EIF2AK4: variants seen among roughly 807,000 people sequenced by gnomAD.
The protein encoded by EIF2AK4 is eukaryotic translation initiation factor 2 alpha kinase 4.
A neutral mutation model predicts 211.1 loss-of-function variants in EIF2AK4; 139 were observed. The ratio of observed to expected loss-of-function variants is 0.66; its 90% confidence interval spans 0.57 to 0.76. The LOEUF is 0.76. EIF2AK4 is among the 30% of genes least tolerant of loss of function. EIF2AK4 has a pLI of 0.00. For synonymous variants in EIF2AK4, 710 were observed against 751.3 expected (o/e 0.94, Z 0.90); for missense variants, 1,664 against 2,043.8 (o/e 0.81, Z 3.58).
At chr15:39,994,803 A>C (rs186456526) in intron 18 of EIF2AK4, among the ~76,000 whole-genome samples, 139 of 152,112 alleles carry the variant, frequency 9.1e-4, no homozygotes, top group Non-Finnish European at 1.4e-3. Context: ...TGGACTGCAC[A>C]CACTGTGAGT....
intron 15 of EIF2AK4, among the ~76,000 whole-genome samples, chr15:39,989,880 T>C (rs1289503873): frequency 6.6e-6 from 1 of 151,644 alleles, no homozygotes; most frequent in African/African-American, 2.4e-5. Context: ...TGCAAATGCA[T>C]GGAAAAAAGC....
At chr15:40,022,215 T>TGTGTGTGTGTGA (rs1491148674) in intron 31 of EIF2AK4, 1 of 217,868 alleles carries the variant, frequency 4.6e-6, no homozygotes, top group Non-Finnish European at 8.6e-6. Context: ...TGTGTGTGTG[T>TGTGTGTGTGTGA]ATGTTGTGTT....
chr15:40,022,545 C>T lies in EIF2AK4; in HGVS notation c.4329C>T (p.Cys1443=). 6.2e-7 allele frequency: 1 copy of T among 1,614,142 alleles called. No individual in the cohort carries two copies. The highest frequency in any genetic ancestry group is 8.5e-7 in the Non-Finnish European group (1 of 1,180,004). ...SQSQEELQEY[C]RHHEITYVAL... ...CCCAAGAGGAATTACAAGAGTACTG[C>T]AGACATCATGAAATCACCTATGTGG... The change falls in exon 32 of 39, where the codon TGC becomes TGT. Residue 1443 remains cysteine, a synonymous_variant. Coordinates refer to ENST00000263791, the MANE Select transcript of EIF2AK4 (RefSeq NM_001013703.4).
intron 21 of EIF2AK4, 55 bp from the exon 22 acceptor site, chr15:40,002,658 A>T: frequency 6.3e-7 from 1 of 1,580,356 alleles, no homozygotes; most frequent in Non-Finnish European, 8.7e-7. Flanking sequence ...TTAATATTTT[A>T]AAGGATCCCT....
chr15:39,978,009 A>T, intron 12 of EIF2AK4, 69 bp from the exon 13 acceptor site: 1 of 1,142,056 alleles, frequency 8.8e-7, no homozygotes, highest in East Asian at 2.4e-5. Context: ...TCTAGTATTT[A>T]AAAATGTCCA....
At chr15:39,972,366 C>T (rs933071989) in intron 9 of EIF2AK4, among the ~76,000 whole-genome samples, 1 of 145,956 alleles carries the variant, frequency 6.9e-6, no homozygotes, top group African/African-American at 2.5e-5. Context: ...AAAAAAAAAG[C>T]ATAAACCAAT....
intron 2 of EIF2AK4, 53 bp downstream of exon 2, chr15:39,939,670 A>G (rs1286282153): frequency 1.4e-6 from 2 of 1,396,898 alleles, no homozygotes; most frequent in Non-Finnish European, 2.0e-6. Context: ...TGTTTTGACA[A>G]CATAGAAACA....
chr15:39,963,876 A>G (rs2034506560), intron 7 of EIF2AK4, among the ~76,000 whole-genome samples: 1 of 152,234 alleles, frequency 6.6e-6, no homozygotes, highest in Non-Finnish European at 1.5e-5. Flanking sequence ...CCTAGTCCCA[A>G]TTAGGGAAAC....
At chr15:39,998,280 T>G (rs11852600) in intron 19 of EIF2AK4, among the ~76,000 whole-genome samples, 36,368 of 147,860 alleles carry the variant, frequency 0.25, 5,780 homozygotes, top group Middle Eastern at 0.35. Context: ...GTTTTGTTTT[T>G]TTTTGCCTTT....
intron 1 of EIF2AK4, among the ~76,000 whole-genome samples, chr15:39,936,189 T>C (rs558545557): frequency 1.6e-4 from 25 of 152,304 alleles, no homozygotes; most frequent in African/African-American, 5.5e-4. Context: ...CATAACAAGA[T>C]GGAATACTAG....
chr15:39,957,797 T>C (rs2034411953), intron 6 of EIF2AK4, among the ~76,000 whole-genome samples: 1 of 152,200 alleles, frequency 6.6e-6, no homozygotes, highest in Admixed American at 6.5e-5. Flanking sequence ...CTGGTGTTTG[T>C]AGGGTCTACA....
intron 33 of EIF2AK4, among the ~76,000 whole-genome samples, chr15:40,026,378 G>T (rs2035465909): frequency 1.3e-5 from 2 of 152,168 alleles, no homozygotes; most frequent in Non-Finnish European, 2.9e-5. Context: ...GATTGCTTGA[G>T]CCCAGGAGGT....
chr15:39,989,337 T>C (rs16970130), intron 15 of EIF2AK4, among the ~76,000 whole-genome samples: 27,403 of 152,252 alleles, frequency 0.18, 2,704 homozygotes, highest in South Asian at 0.37. Context: ...AAAATGTTTG[T>C]ACTGTACCGT....
chr15:39,962,745 G>C (rs503671), intron 7 of EIF2AK4, among the ~76,000 whole-genome samples: 1 of 152,168 alleles, frequency 6.6e-6, no homozygotes, highest in African/African-American at 2.4e-5. Context: ...TTGTCTACTC[G>C]TGGCTGTTTG....
At chr15:39,940,671 G>C (rs7174465) in intron 2 of EIF2AK4, among the ~76,000 whole-genome samples, 150,971 of 152,266 alleles carry the variant, frequency 0.99, 74,859 homozygotes, top group East Asian at 1. Flanking sequence ...GAAATTAAAA[G>C]AGTGCCTCTC....
rs376826966 is a variant in EIF2AK4 at position 40,032,723 on chromosome 15, C to T, written c.4729-34C>T. ...ATGGTCACAAGGCAGTATTGTGCTG[C>T]TGAGAGTTGATGTACATTTGTGTGT... On this transcript the variant is annotated intron_variant, in intron 36 of 38. Transcript: ENST00000263791. 12 of 1,603,940 alleles carry T rather than the reference C, an allele frequency of 7.5e-6. No individual in the cohort carries two copies. In the African/African-American group the frequency reaches 8.0e-5, roughly 11 times the overall value.
chr15:39,991,709 G>A lies in EIF2AK4; in HGVS notation c.2632-466G>A, dbSNP rs185162191. 1.7e-3 allele frequency: 271 copies of A among 159,888 alleles called. 2 individuals are homozygous for A. The highest frequency in any genetic ancestry group is 0.015 in the Admixed American group (260 of 16,906). 9.9% of individuals were successfully genotyped at this position (159,888 alleles called of 1,614,324 possible). On this transcript the variant is annotated intron_variant, in intron 16 of 38. Transcript: ENST00000263791. Reference sequence around the variant, plus strand: ...ACACTGTTGCACATAGTGGAGCAAGGTGAGGCTACCTGGGGGGCATTAGCC... The same window carrying A: ...ACACTGTTGCACATAGTGGAGCAAGATGAGGCTACCTGGGGGGCATTAGCC...
chr15:40,028,520 C>A (rs1334379500), intron 33 of EIF2AK4, among the ~76,000 whole-genome samples: 3 of 152,020 alleles, frequency 2.0e-5, no homozygotes, highest in African/African-American at 7.2e-5. Flanking sequence ...GTGAAAACAT[C>A]CTAAAGGGTA....
rs961798965 is a variant in EIF2AK4 at position 40,008,343 on chromosome 15, G to T, written c.3576+148G>T. 5 of 797,496 alleles carry T rather than the reference G, an allele frequency of 6.3e-6. No individual in the cohort carries two copies. In the Admixed American group the frequency reaches 8.8e-5, roughly 14 times the overall value. The allele number at this position is 797,496 out of a possible 1,614,324, so 49.4% of individuals were successfully genotyped here. ...TAAAGTAACTGAGAAGAGCTTGCTG[G>T]TGTTGCTTTTGAGGTTCAGCTCAGG... On this transcript the variant is annotated intron_variant, in intron 25 of 38. Transcript: ENST00000263791.
Sources: gnomAD v4.1 joint callset for allele counts (sites outside exome capture counted in the v4.1 genomes callset) on GRCh38, gnomAD v4.1.1 for gene constraint, MANE v1.5 for transcripts, NCBI Gene and HGNC (gene_info 2026-07-23, HGNC 2026-07-21) for gene names.